ADAM22: variants seen among roughly 807,000 people sequenced by gnomAD.
The protein encoded by ADAM22 is ADAM metallopeptidase domain 22.
A neutral mutation model predicts 144.6 loss-of-function variants in ADAM22; 65 were observed. The observed-to-expected ratio is 0.45, with a 90% confidence interval of 0.37 to 0.55. The LOEUF (loss-of-function observed/expected upper bound fraction) is 0.55. Ranked by LOEUF, ADAM22 falls within the 20% of genes least tolerant of loss-of-function variation. ADAM22 has a pLI of 0.00. For missense variants in ADAM22, 974 were observed against 1,184.9 expected (o/e 0.82, Z 2.61); for synonymous variants, 391 against 412.6 (o/e 0.95, Z 0.63).
chr7:88,110,717 A>C (rs73202393), intron 5 of ADAM22, among the ~76,000 whole-genome samples: 11,049 of 132,794 alleles, frequency 0.083, 659 homozygotes, highest in East Asian at 0.27. Context: ...TCATTCGTTC[A>C]TTTGTTCGTT....
intron 2 of ADAM22, among the ~76,000 whole-genome samples, chr7:87,974,097 AT>A (rs1417916910): frequency 6.6e-6 from 1 of 150,680 alleles, no homozygotes; most frequent in Non-Finnish European, 1.5e-5. Flanking sequence ...TAATAATAAA[AT>A]TAAAAAAAAA....
intron 2 of ADAM22, among the ~76,000 whole-genome samples, chr7:87,941,248 A>C (rs1193135838): frequency 6.6e-6 from 1 of 152,224 alleles, no homozygotes; most frequent in African/African-American, 2.4e-5. Context: ...ACAGTTTGTC[A>C]TAGTTTTGAT....
intron 2 of ADAM22, among the ~76,000 whole-genome samples, chr7:87,960,907 C>T (rs752628450): frequency 1.7e-4 from 26 of 152,286 alleles, no homozygotes; most frequent in Non-Finnish European, 2.6e-4. Context: ...TACTATGTGG[C>T]ACTGTTCTGT....
chr7:88,054,913 AT>A (rs1457235476), intron 3 of ADAM22, among the ~76,000 whole-genome samples: 1 of 152,120 alleles, frequency 6.6e-6, no homozygotes, highest in Non-Finnish European at 1.5e-5. Flanking sequence ...AATGTTTTAA[AT>A]TCAAAATTCA....
chr7:88,016,870 C>T (rs1169795415), intron 3 of ADAM22, among the ~76,000 whole-genome samples: 2 of 152,192 alleles, frequency 1.3e-5, no homozygotes, highest in African/African-American at 2.4e-5. Context: ...GTAATCCCAA[C>T]ACTTTGGGAA....
chr7:87,994,453 G>A (rs573248765), intron 3 of ADAM22, among the ~76,000 whole-genome samples: 2 of 152,238 alleles, frequency 1.3e-5, no homozygotes, highest in South Asian at 2.1e-4. Flanking sequence ...GAGCCACCGC[G>A]CCCGGCCTAG....
chr7:88,191,345 G>A (rs1244240216), intron 30 of ADAM22, among the ~76,000 whole-genome samples: 2 of 152,242 alleles, frequency 1.3e-5, no homozygotes, highest in Non-Finnish European at 2.9e-5. Context: ...AGCTAATGGT[G>A]TGGACACACA....
chr7:88,163,892 A>G (rs1182469444), intron 23 of ADAM22, among the ~76,000 whole-genome samples: 2 of 152,092 alleles, frequency 1.3e-5, no homozygotes, highest in African/African-American at 4.8e-5. Flanking sequence ...AGCATGTGCT[A>G]TGGCATTCTT....
chr7:88,017,669 C>T (rs1263066087), intron 3 of ADAM22, among the ~76,000 whole-genome samples: 1 of 151,962 alleles, frequency 6.6e-6, no homozygotes, highest in East Asian at 1.9e-4. Flanking sequence ...TTATTTACTT[C>T]TATTCCTTCC....
intron 3 of ADAM22, among the ~76,000 whole-genome samples, chr7:88,071,840 A>G (rs1261178018): frequency 2.6e-5 from 4 of 152,170 alleles, no homozygotes; most frequent in Admixed American, 1.3e-4. Flanking sequence ...TATGGAGTGA[A>G]TTCTACCTGA....
intron 22 of ADAM22, 40 bp from the exon 23 acceptor site, chr7:88,162,972 G>A (rs1202657182): frequency 2.3e-5 from 37 of 1,595,938 alleles, no homozygotes; most frequent in Non-Finnish European, 2.8e-5. Context: ...AAATGAAGGT[G>A]AATTAATAGA....
At position 88,179,127 on chromosome 7, in the gene ADAM22, C is replaced by A; in HGVS notation, c.2493C>A (p.Ser831Arg). ...SISQNISLFC[S>R]RSNGLSHSWS... ...GTCAGAACATTTCATTATTTTGCAG[C>A]AGGTTTGATTACTTCTTCCTTCTTT... Residue 831 changes from serine to arginine, a missense_variant and splice_region_variant, in exon 27 of 32, where the codon AGC becomes AGA. By Grantham distance (110) the Ser-to-Arg change is moderately radical (BLOSUM62 -1). This residue lies in a region of ADAM22 where 734 missense variants were observed against 950.6 expected (regional missense o/e 0.77). Coordinates refer to ENST00000413139, the MANE Select transcript of ADAM22 (RefSeq NM_001324418.2). The A allele has an allele frequency of 1.8e-6, 2 of 1,116,560 alleles. No individual in the cohort carries two copies. The highest frequency in any genetic ancestry group is 2.7e-6 in the Non-Finnish European group (2 of 742,816). 69.2% of individuals were successfully genotyped at this position (1,116,560 alleles called of 1,614,324 possible).
chr7:87,967,271 C>T (rs977558539), intron 2 of ADAM22, among the ~76,000 whole-genome samples: 1 of 152,066 alleles, frequency 6.6e-6, no homozygotes, highest in Non-Finnish European at 1.5e-5. Context: ...ATAAAATCAA[C>T]AGCAAGAATG....
chr7:88,188,100 A>G (rs1041604644), intron 30 of ADAM22, among the ~76,000 whole-genome samples: 1 of 151,854 alleles, frequency 6.6e-6, no homozygotes, highest in African/African-American at 2.4e-5. Flanking sequence ...CTGCAGTCCT[A>G]TTTCTCCTTT....
chr7:88,022,076 T>TC (rs1797968216), intron 3 of ADAM22, among the ~76,000 whole-genome samples: 3 of 151,752 alleles, frequency 2.0e-5, no homozygotes. Flanking sequence ...ATTTTTTTTT[T>TC]GTAGAGATGG....
intron 3 of ADAM22, among the ~76,000 whole-genome samples, chr7:88,060,225 G>A (rs928656597): frequency 6.6e-6 from 1 of 152,076 alleles, no homozygotes; most frequent in African/African-American, 2.4e-5. Context: ...GCTGAAGGTT[G>A]GGGTATTTGT....
In ADAM22 at chr7:87,985,532, T is replaced by C. The variant is rs1305060807; in HGVS notation, c.323+7120T>C. Among the ~76,000 whole-genome samples the C allele has an allele frequency of 2.6e-5, 4 of 152,176 alleles. No homozygotes were observed. The East Asian group carries it at 7.7e-4, about 29-fold the overall frequency. On this transcript the variant is annotated intron_variant, in intron 3 of 31. Transcript: ENST00000413139. ...ATCACTAATCTACTTTCTGTCTTTA[T>C]AAATTTGTGTTTTCTGGACATTTCT...
intron 2 of ADAM22, among the ~76,000 whole-genome samples, chr7:87,962,199 C>G (rs374385546): frequency 6.6e-6 from 1 of 152,188 alleles, no homozygotes; most frequent in Admixed American, 6.5e-5. Flanking sequence ...CACAAGGAAA[C>G]AGTAAAGTAG....
chr7:87,946,549 A>G (rs1444206450), intron 2 of ADAM22, among the ~76,000 whole-genome samples: 1 of 152,206 alleles, frequency 6.6e-6, no homozygotes, highest in Non-Finnish European at 1.5e-5. Flanking sequence ...TTAGGGGTCC[A>G]GTTTCATTCT....
Sources: allele counts gnomAD v4.1 joint callset (sites outside exome capture counted in the v4.1 genomes callset), GRCh38; gene constraint gnomAD v4.1.1; regional missense constraint gnomAD v4.1.1; transcripts MANE v1.5; gene names NCBI Gene and HGNC (gene_info 2026-07-23, HGNC 2026-07-21).